The following C16orf74 variants were observed in gnomAD, a reference collection of about 807,000 sequenced individuals.
C16orf74 encodes the protein uncharacterized protein C16orf74.
C16orf74 carries 10 observed loss-of-function variants against 6.5 expected under a neutral mutation model. The observed-to-expected ratio is 1.54, with a 90% confidence interval of 0.95 to 2.61. The LOEUF (loss-of-function observed/expected upper bound fraction) is 2.61. Ranked by LOEUF, C16orf74 falls within the 30% of genes most tolerant of loss-of-function variation. C16orf74 has a pLI of 0.00. For synonymous variants in C16orf74, 60 were observed against 42.5 expected, an observed-to-expected ratio of 1.41 and a Z score of -1.60; for missense variants, 141 against 105.9, an observed-to-expected ratio of 1.33 and a Z score of -1.45.
At chr16:85,711,638 A>C (rs1197785076) in intron 2 of C16orf74, among the ~76,000 whole-genome samples, 1 of 151,902 alleles carries the variant, frequency 6.6e-6, no homozygotes, top group African/African-American at 2.4e-5. Flanking sequence ...AAAAAAAAAA[A>C]AAAAAAAATT....
At chr16:85,745,248 G>A (rs1313164746) in intron 1 of C16orf74, among the ~76,000 whole-genome samples, 4 of 151,488 alleles carry the variant, frequency 2.6e-5, no homozygotes, top group Non-Finnish European at 5.9e-5. Flanking sequence ...TGACTTCCTC[G>A]GCAGAGGTCC....
chr16:85,735,311 C>T, intron 1 of C16orf74, 76 bp from the exon 2 acceptor site: 1 of 1,116,196 alleles, frequency 9.0e-7, no homozygotes, highest in African/African-American at 1.6e-5. Flanking sequence ...CGGGCCCCCA[C>T]CCTTGGCCCT....
intron 1 of C16orf74, among the ~76,000 whole-genome samples, chr16:85,737,816 A>T (rs2054260786): frequency 6.6e-6 from 1 of 152,150 alleles, no homozygotes; most frequent in South Asian, 2.1e-4. Context: ...GGGCAATAAG[A>T]GCGAAACTCC....
In C16orf74 at chr16:85,713,959, C is replaced by T. The variant is rs550349972; in HGVS notation, c.29-3652G>A. 7.2e-5 allele frequency among the ~76,000 whole-genome samples: 11 copies of T among 152,288 alleles called. No homozygotes were observed. The East Asian group carries it at 1.5e-3, about 21-fold the overall frequency. ...TCCCTTCCCTGGAATGAGCCATAAC[C>T]GGGAATCAGAGCCTCCAGTGACTTC... is the stretch of plus-strand genomic sequence containing the variant. On this transcript the variant is annotated intron_variant, in intron 2 of 3. Transcript: ENST00000284245.
At chr16:85,709,495 GTTATTATTATTATTATTA>G (rs57478569) in intron 3 of C16orf74, among the ~76,000 whole-genome samples, 2 of 147,418 alleles carry the variant, frequency 1.4e-5, no homozygotes, top group East Asian at 2.0e-4. Flanking sequence ...CATCCCCAAT[GTTATTATTATTATTATTA>G]TTATTATTAT....
rs1249381128 is a variant in C16orf74, at chr16:85,748,146, G to A, written c.-19+2780C>T. Among the ~76,000 whole-genome samples, 2 of 71,448 alleles carry A rather than the reference G, an allele frequency of 2.8e-5. 1 individual carries two copies. Among genetic ancestry groups the A allele is most frequent in the Non-Finnish European group, 1.1e-4 (2 of 18,774 alleles). 46.9% of individuals were successfully genotyped at this position (71,448 alleles called of 152,430 possible). On this transcript the variant is annotated intron_variant, in intron 1 of 3. Coordinates refer to ENST00000284245, the MANE Select transcript of C16orf74 (RefSeq NM_206967.3). ...TGTGTGTGTATATATATATGTGTGT[G>A]TATATATATATATGTGTATATATAT...
intron 1 of C16orf74, among the ~76,000 whole-genome samples, chr16:85,741,859 C>T (rs2054312359): frequency 6.6e-6 from 1 of 152,196 alleles, no homozygotes; most frequent in African/African-American, 2.4e-5. Context: ...GAGTTGTCAC[C>T]ATCATCTTCA....
At chr16:85,729,893 G>C (rs1200222223) in intron 2 of C16orf74, among the ~76,000 whole-genome samples, 1 of 152,206 alleles carries the variant, frequency 6.6e-6, no homozygotes, top group East Asian at 1.9e-4. Context: ...AGAACAATGA[G>C]AGAATAAAAA....
intron 1 of C16orf74, chr16:85,744,179 T>A (rs1416775293): frequency 7.9e-6 from 1 of 126,358 alleles, no homozygotes; most frequent in Admixed American, 9.7e-5. Flanking sequence ...GAGCCGAGAT[T>A]GCGCCATTGC....
At chr16:85,734,073 G>A (rs1052670815) in intron 2 of C16orf74, among the ~76,000 whole-genome samples, 6 of 152,156 alleles carry the variant, frequency 3.9e-5, no homozygotes, top group African/African-American at 1.4e-4. Flanking sequence ...TTTCCTGTGG[G>A]CTCCCCTCGG....
intron 2 of C16orf74, among the ~76,000 whole-genome samples, chr16:85,733,360 A>C (rs2054210682): frequency 6.6e-6 from 1 of 152,150 alleles, no homozygotes; most frequent in Admixed American, 6.5e-5. Flanking sequence ...ATTCTTAGAG[A>C]CAGGAAGTAG....
chr16:85,719,326 A>T (rs2054056103), intron 2 of C16orf74, among the ~76,000 whole-genome samples: 1 of 152,146 alleles, frequency 6.6e-6, no homozygotes, highest in Admixed American at 6.5e-5. Flanking sequence ...CAGTAGCAGG[A>T]ATCAGGTCCC....
At chr16:85,748,017 T>C (rs774533913) in intron 1 of C16orf74, among the ~76,000 whole-genome samples, 16 of 151,348 alleles carry the variant, frequency 1.1e-4, no homozygotes, top group East Asian at 3.9e-4. Context: ...ACCTAGGAGG[T>C]AGAGGTTGCA....
At chr16:85,748,898 G>C (rs2054403140) in intron 1 of C16orf74, among the ~76,000 whole-genome samples, 1 of 151,022 alleles carries the variant, frequency 6.6e-6, no homozygotes. Context: ...AAGGGGAGTG[G>C]TCCATTCAGA....
At chr16:85,710,412 G>C (rs937695585) in intron 2 of C16orf74, 105 bp from the exon 3 acceptor site, 1 of 1,114,094 alleles carries the variant, frequency 9.0e-7, no homozygotes, top group Non-Finnish European at 1.2e-6. Context: ...ACTATCACCT[G>C]GGTCCTGACG....
At chr16:85,712,262 A>G (rs1286952545) in intron 2 of C16orf74, among the ~76,000 whole-genome samples, 1 of 152,218 alleles carries the variant, frequency 6.6e-6, no homozygotes, top group African/African-American at 2.4e-5. Context: ...ATCGACCCTG[A>G]GCCAGAACCA....
chr16:85,725,508 T>A (rs1190672321), intron 2 of C16orf74, among the ~76,000 whole-genome samples: 1 of 152,194 alleles, frequency 6.6e-6, no homozygotes, highest in African/African-American at 2.4e-5. Context: ...AGTGGCTGCA[T>A]CCATTTGGAA....
intron 2 of C16orf74, among the ~76,000 whole-genome samples, chr16:85,724,592 G>T (rs940533990): frequency 6.6e-6 from 1 of 151,922 alleles, no homozygotes; most frequent in African/African-American, 2.4e-5. Flanking sequence ...TGCCTGGTGA[G>T]GTGTGAGCTT....
chr16:85,740,211 CAA>C (rs1314457386), intron 1 of C16orf74, among the ~76,000 whole-genome samples: 5 of 60,202 alleles, frequency 8.3e-5, no homozygotes, highest in Admixed American at 4.7e-4. Flanking sequence ...GACTTTGTCT[CAA>C]AAAAAAAAAA....
Sources: gnomAD v4.1 joint callset for allele counts (sites outside exome capture counted in the v4.1 genomes callset) on GRCh38, gnomAD v4.1.1 for gene constraint, MANE v1.5 for transcripts, NCBI Gene and HGNC (gene_info 2026-07-23, HGNC 2026-07-21) for gene names.